The following ROBO1 variants were observed in gnomAD, a reference collection of about 807,000 sequenced individuals.
The protein encoded by ROBO1 is roundabout homolog 1.
In ROBO1, 149 loss-of-function variants were observed where a neutral mutation model predicts 195.9. The observed-to-expected ratio is 0.76, with a 90% CI of 0.67 to 0.87. ROBO1 has a LOEUF of 0.87. Ranked by LOEUF, ROBO1 falls within the 40% of genes least tolerant of loss-of-function variation. The pLI, the probability that ROBO1 is intolerant of heterozygous loss-of-function variation, is 0.00. For synonymous variants in ROBO1, 816 were observed against 733.2 expected, an observed-to-expected ratio of 1.11 and a Z score of -1.82; for missense variants, 1,933 against 2,068.3, an observed-to-expected ratio of 0.93 and a Z score of 1.27.
At chr3:78,716,898 A>G (rs2081915745) in intron 7 of ROBO1, among the ~76,000 whole-genome samples, 1 of 152,210 alleles carries the variant, frequency 6.6e-6, no homozygotes, top group South Asian at 2.1e-4. Flanking sequence ...GAGGAAAAGG[A>G]AGCCTGATTT....
At chr3:78,652,392 G>C (rs1478635667) in intron 18 of ROBO1, among the ~76,000 whole-genome samples, 1 of 151,904 alleles carries the variant, frequency 6.6e-6, no homozygotes, top group African/African-American at 2.4e-5. Flanking sequence ...TGCTTAAATA[G>C]TATGTTCTAA....
chr3:78,933,880 C>T (rs2039662363), intron 4 of ROBO1, among the ~76,000 whole-genome samples: 1 of 151,898 alleles, frequency 6.6e-6, no homozygotes, highest in Admixed American at 6.6e-5. Context: ...TCTAAAGTGT[C>T]AATTTCCCAC....
chr3:78,771,240 A>G (rs576707551), intron 4 of ROBO1, among the ~76,000 whole-genome samples: 1 of 152,172 alleles, frequency 6.6e-6, no homozygotes, highest in South Asian at 2.1e-4. Flanking sequence ...TCTCTATTCC[A>G]TTGCACTGGT....
intron 1 of ROBO1, among the ~76,000 whole-genome samples, chr3:79,713,230 A>G (rs1280529236): frequency 6.6e-6 from 1 of 152,078 alleles, no homozygotes; most frequent in African/African-American, 2.4e-5. Context: ...GTCTGCTAAC[A>G]CATTTTTTCT....
intron 4 of ROBO1, among the ~76,000 whole-genome samples, chr3:78,874,342 A>C (rs1012247475): frequency 6.6e-6 from 1 of 151,982 alleles, no homozygotes. Context: ...GAGGTAAGAT[A>C]ATTTTTTCTC....
At chr3:79,377,791 T>G (rs1479957653) in intron 2 of ROBO1, among the ~76,000 whole-genome samples, 1 of 152,184 alleles carries the variant, frequency 6.6e-6, no homozygotes, top group African/African-American at 2.4e-5. Context: ...CACCCTTTAC[T>G]GTCCACTTAA....
intron 1 of ROBO1, among the ~76,000 whole-genome samples, chr3:79,622,834 G>T (rs191053478): frequency 2.0e-5 from 3 of 152,274 alleles, no homozygotes; most frequent in Admixed American, 1.3e-4. Flanking sequence ...CATTAAACAG[G>T]TCTTGTTCCC....
At chr3:78,904,660 T>C (rs1341892986) in intron 4 of ROBO1, among the ~76,000 whole-genome samples, 2 of 148,986 alleles carry the variant, frequency 1.3e-5, no homozygotes, top group Non-Finnish European at 3.0e-5. Flanking sequence ...TCCTCTGGGT[T>C]TGTCTGTGTG....
At chr3:79,107,024 A>G (rs572028663) in intron 3 of ROBO1, among the ~76,000 whole-genome samples, 13 of 151,618 alleles carry the variant, frequency 8.6e-5, no homozygotes, top group African/African-American at 3.1e-4. Context: ...AAAATTGCAA[A>G]GCTTACCATA....
intron 17 of ROBO1, among the ~76,000 whole-genome samples, chr3:78,659,020 C>T (rs571670633): frequency 1.3e-5 from 2 of 152,144 alleles, no homozygotes; most frequent in Admixed American, 1.3e-4. Flanking sequence ...CTACATTCCA[C>T]AATTTAGCTT....
At chr3:79,192,928 G>A (rs1185749775) in intron 2 of ROBO1, among the ~76,000 whole-genome samples, 1 of 151,628 alleles carries the variant, frequency 6.6e-6, no homozygotes, top group Non-Finnish European at 1.5e-5. Flanking sequence ...ACATGATGGA[G>A]TCTTGGACCA....
At chr3:79,020,133 A>G (rs1184166398) in intron 3 of ROBO1, among the ~76,000 whole-genome samples, 1 of 152,200 alleles carries the variant, frequency 6.6e-6, no homozygotes, top group Non-Finnish European at 1.5e-5. Flanking sequence ...TAAGAGAGAG[A>G]GAAACAAATG....
chr3:78,860,011 G>A lies in ROBO1; in HGVS notation c.499+78590C>T, dbSNP rs142996505. ...GGAGAATGGCATGAACCCAGGAGGC[G>A]GAGCTTGCAGTGAGCTGAGATTGTG... On this transcript the variant is annotated intron_variant, in intron 4 of 30. Transcript: ENST00000464233. Among the ~76,000 whole-genome samples, 644 of 151,834 alleles carry A rather than the reference G, an allele frequency of 4.2e-3. 15 individuals are homozygous for A. The highest frequency in any genetic ancestry group is 0.014 in the African/African-American group (569 of 41,426).
At chr3:79,457,354 G>C (rs1276877114) in intron 2 of ROBO1, among the ~76,000 whole-genome samples, 1 of 151,906 alleles carries the variant, frequency 6.6e-6, no homozygotes, top group East Asian at 1.9e-4. Flanking sequence ...TGTATGAGGG[G>C]TACTCTAAGA....
chr3:79,188,580 T>A (rs2081483426), intron 2 of ROBO1, among the ~76,000 whole-genome samples: 1 of 151,700 alleles, frequency 6.6e-6, no homozygotes, highest in African/African-American at 2.4e-5. Context: ...GTCGTCTTTC[T>A]GTTTGTAAAA....
intron 4 of ROBO1, among the ~76,000 whole-genome samples, chr3:78,771,261 A>G (rs188438241): frequency 5.3e-5 from 8 of 152,156 alleles, no homozygotes; most frequent in African/African-American, 1.9e-4. Context: ...CTATGTGTCC[A>G]TTTTTGTACC....
At chr3:79,152,771 A>G (rs558149693) in intron 2 of ROBO1, among the ~76,000 whole-genome samples, 3 of 151,872 alleles carry the variant, frequency 2.0e-5, no homozygotes, top group South Asian at 4.1e-4. Flanking sequence ...ATCATGCAAC[A>G]AGGGATTCAT....
chr3:79,725,204 G>GAGAAAC (rs940265149), intron 1 of ROBO1, among the ~76,000 whole-genome samples: 1 of 150,144 alleles, frequency 6.7e-6, no homozygotes. Context: ...GATGCCTTAT[G>GAGAAAC]AGAAACATCT....
Position 79,180,939 on chromosome 3 carries a change from G to A in ROBO1, c.89-55400C>T, listed in dbSNP as rs540860616. ...CTTGAAGGAGCCAACATCCCGGGGT[G>A]TCCTATGGTCTGAAAGAAGGCTGGT... On this transcript the variant is annotated intron_variant, in intron 2 of 30. Transcript: ENST00000464233. 1.9e-3 allele frequency among the ~76,000 whole-genome samples: 294 copies of A among 152,258 alleles called. 2 individuals are homozygous for A. Among genetic ancestry groups the A allele is most frequent in the African/African-American group, 6.1e-3 (255 of 41,550 alleles).
Sources: gnomAD v4.1 joint callset for allele counts (sites outside exome capture counted in the v4.1 genomes callset) on GRCh38, gnomAD v4.1.1 for gene constraint, MANE v1.5 for transcripts, NCBI Gene and HGNC (gene_info 2026-07-23, HGNC 2026-07-21) for gene names.